Variants in SLC35D4 observed in about 807,000 individuals in gnomAD.
SLC35D4 encodes solute carrier family 35 member D4, also known as UDP-N-acetylglucosamine transporter SLC35D4.
the SLC35D4 span, chr18:23,399,786 G>C: frequency 2.7e-6 from 2 of 740,918 alleles, no homozygotes; most frequent in South Asian, 3.4e-5. Flanking sequence ...TGTTAAGTGA[G>C]ATGTAGTCTT....
At chr18:23,271,339 A>T in the SLC35D4 span, among the ~76,000 whole-genome samples, 2 of 152,228 alleles carry the variant, frequency 1.3e-5, no homozygotes, top group South Asian at 4.2e-4. Flanking sequence ...GTATTTTTTC[A>T]TAGTAGTATG....
the SLC35D4 span, among the ~76,000 whole-genome samples, chr18:23,289,904 C>T: frequency 1.3e-5 from 2 of 152,108 alleles, no homozygotes; most frequent in Admixed American, 6.5e-5. Context: ...CTTTACCTAC[C>T]CAAATCCTAT....
the SLC35D4 span, chr18:23,257,326 G>T: frequency 6.2e-7 from 1 of 1,613,834 alleles, no homozygotes; most frequent in Non-Finnish European, 8.5e-7. Flanking sequence ...GCCCGAGCAC[G>T]AAGTCATGCC....
At chr18:23,405,381 C>T in the SLC35D4 span, among the ~76,000 whole-genome samples, 1 of 151,988 alleles carries the variant, frequency 6.6e-6, no homozygotes, top group Admixed American at 6.6e-5. Flanking sequence ...TAGAGATGGG[C>T]GTTTCACCAT....
the SLC35D4 span, among the ~76,000 whole-genome samples, chr18:23,363,364 A>ATTTTTTTTTTTTTTT: frequency 2.2e-5 from 2 of 90,460 alleles, no homozygotes; most frequent in African/African-American, 5.1e-5. Flanking sequence ...ACAAAAGCAC[A>ATTTTTTTTTTTTTTT]TTTTTTTTTT....
chr18:23,385,021 A>T, the SLC35D4 span: 3 of 1,613,820 alleles, frequency 1.9e-6, no homozygotes, highest in Non-Finnish European at 2.5e-6. Flanking sequence ...GTACCCACAG[A>T]TGATAACTTC....
At chr18:23,326,832 C>T in the SLC35D4 span, among the ~76,000 whole-genome samples, 1 of 152,168 alleles carries the variant, frequency 6.6e-6, no homozygotes, top group African/African-American at 2.4e-5. Context: ...TGTAAAAGAA[C>T]AGAAATCACA....
At chr18:23,287,746 C>T in the SLC35D4 span, among the ~76,000 whole-genome samples, 1 of 150,224 alleles carries the variant, frequency 6.7e-6, no homozygotes. Flanking sequence ...CTGCCCCCAC[C>T]CTAGCTCTCC....
At chr18:23,359,851 T>C in the SLC35D4 span, among the ~76,000 whole-genome samples, 3 of 152,126 alleles carry the variant, frequency 2.0e-5, no homozygotes, top group African/African-American at 7.2e-5. Context: ...GTATAAACTC[T>C]TTAACAGGGG....
At chr18:23,341,157 T>C in the SLC35D4 span, among the ~76,000 whole-genome samples, 1 of 152,270 alleles carries the variant, frequency 6.6e-6, no homozygotes, top group African/African-American at 2.4e-5. Flanking sequence ...AGATTTTACA[T>C]GCCCAAATTT....
At chr18:23,316,636 A>G in the SLC35D4 span, among the ~76,000 whole-genome samples, 118 of 150,224 alleles carry the variant, frequency 7.9e-4, no homozygotes, top group African/African-American at 2.8e-3. Context: ...TATAAGCACA[A>G]TGGGATTGAG....
chr18:23,254,042 T>TCC, the SLC35D4 span: 6 of 901,110 alleles, frequency 6.7e-6, no homozygotes, highest in Non-Finnish European at 1.1e-5. Flanking sequence ...TTCTGATCCT[T>TCC]AGTCAGCAAT....
chr18:23,323,448 A>G, the SLC35D4 span, among the ~76,000 whole-genome samples: 1 of 152,112 alleles, frequency 6.6e-6, no homozygotes, highest in Admixed American at 6.5e-5. Flanking sequence ...TTAGCTCAAC[A>G]CTTCCTGAAG....
At chr18:23,307,040 G>A in the SLC35D4 span, among the ~76,000 whole-genome samples, 3 of 152,170 alleles carry the variant, frequency 2.0e-5, no homozygotes, top group Admixed American at 2.0e-4. Context: ...CACTGTTGTG[G>A]CTAGGCCCCC....
chr18:23,324,453 C>T, the SLC35D4 span, among the ~76,000 whole-genome samples: 1 of 152,168 alleles, frequency 6.6e-6, no homozygotes, highest in African/African-American at 2.4e-5. Context: ...AAGACGCTTT[C>T]ATTGAATTAG....
At chr18:23,243,287 C>T in the SLC35D4 span, among the ~76,000 whole-genome samples, 1 of 151,898 alleles carries the variant, frequency 6.6e-6, no homozygotes, top group South Asian at 2.1e-4. Flanking sequence ...AGCACAGTAG[C>T]TCCGCACTTC....
chr18:23,389,029 A>C, the SLC35D4 span, among the ~76,000 whole-genome samples: 1 of 128,026 alleles, frequency 7.8e-6, no homozygotes, highest in African/African-American at 3.1e-5. Flanking sequence ...TTGCTCTGTC[A>C]CCCAGGCCAG....
chr18:23,364,589 G>A, the SLC35D4 span, among the ~76,000 whole-genome samples: 1 of 152,150 alleles, frequency 6.6e-6, no homozygotes, highest in Non-Finnish European at 1.5e-5. Flanking sequence ...CAGAGTAATT[G>A]AGGCAGTAAG....
chr18:23,258,583 C>G, the SLC35D4 span: 1 of 152,244 alleles, frequency 6.6e-6, no homozygotes, highest in Non-Finnish European at 1.5e-5. Flanking sequence ...GAGGCACCAG[C>G]TGAAGTTCCC....
Sources: gnomAD v4.1 joint callset for allele counts (sites outside exome capture counted in the v4.1 genomes callset) on GRCh38, gnomAD v4.1.1 for gene constraint, MANE v1.5 for transcripts, NCBI Gene and HGNC (gene_info 2026-07-23, HGNC 2026-07-21) for gene names.